ABCA1: variants seen among roughly 807,000 people sequenced by gnomAD.
ABCA1 encodes ATP binding cassette subfamily A member 1.
In ABCA1, 133 loss-of-function variants were observed where a neutral mutation model predicts 262.5. The observed-to-expected ratio is 0.51, with a 90% CI of 0.44 to 0.59. The LOEUF (loss-of-function observed/expected upper bound fraction) is 0.59, where lower values mean the gene tolerates loss of function less well. Among genes scored for constraint, ABCA1 ranks in the 20% least tolerant of loss-of-function variants. ABCA1 has a pLI of 0.00. For synonymous variants in ABCA1, 1,022 were observed against 1,043.5 expected, an observed-to-expected ratio of 0.98 and a Z score of 0.40; for missense variants, 2,452 against 2,777.5, an observed-to-expected ratio of 0.88 and a Z score of 2.63.
intron 5 of ABCA1, among the ~76,000 whole-genome samples, chr9:104,871,656 G>C (rs1247526181): frequency 6.6e-6 from 1 of 152,180 alleles, no homozygotes; most frequent in Non-Finnish European, 1.5e-5. Context: ...GAAGATAGCT[G>C]AGATGAAAAC....
At chr9:104,885,161 A>G (rs1441673059) in intron 3 of ABCA1, among the ~76,000 whole-genome samples, 1 of 152,318 alleles carries the variant, frequency 6.6e-6, no homozygotes, top group African/African-American at 2.4e-5. Flanking sequence ...GCTTGAACTC[A>G]GGAGGGGGAG....
intron 1 of ABCA1, among the ~76,000 whole-genome samples, chr9:104,913,955 ACG>A (rs1491066340): frequency 7.5e-6 from 1 of 133,114 alleles, no homozygotes; most frequent in African/African-American, 2.6e-5. Context: ...GCCTGCCAAC[ACG>A]CCCGGCTAAT....
At chr9:104,826,441 G>C (rs1472157859) in intron 16 of ABCA1, among the ~76,000 whole-genome samples, 1 of 152,164 alleles carries the variant, frequency 6.6e-6, no homozygotes, top group Non-Finnish European at 1.5e-5. Context: ...AAGTGTCCAA[G>C]TCAGGAATTT....
At chr9:104,868,883 C>T (rs900666602) in intron 5 of ABCA1, among the ~76,000 whole-genome samples, 1 of 152,052 alleles carries the variant, frequency 6.6e-6, no homozygotes, top group Non-Finnish European at 1.5e-5. Flanking sequence ...TTTGCACGTG[C>T]AGGCGGAGGG....
chr9:104,879,196 G>A (rs1252209021), intron 5 of ABCA1, among the ~76,000 whole-genome samples: 2 of 152,206 alleles, frequency 1.3e-5, no homozygotes, highest in African/African-American at 4.8e-5. Context: ...TATTTCAACT[G>A]CTGCATAAAT....
intron 29 of ABCA1, 52 bp from the exon 30 acceptor site, chr9:104,809,616 C>G (rs550273990): frequency 6.8e-7 from 1 of 1,462,824 alleles, no homozygotes; most frequent in Non-Finnish European, 9.6e-7. Flanking sequence ...AACCAGTAAT[C>G]GAGAGATAAA....
At chr9:104,785,256 A>G in intron 49 of ABCA1, 140 bp downstream of exon 49, 1 of 1,162,076 alleles carries the variant, frequency 8.6e-7, no homozygotes, top group African/African-American at 1.5e-5. Context: ...GAGGTTTAGT[A>G]AAAAGCATAG....
In ABCA1 at chr9:104,807,562, T is replaced by A. The variant is rs1368275520; in HGVS notation, c.4275-1132A>T. Among the ~76,000 whole-genome samples the A allele has an allele frequency of 2.0e-5, 3 of 152,250 alleles. No homozygotes were observed. In the East Asian group the frequency reaches 5.8e-4, roughly 29 times the overall value. ...CAGGCACGATGGCTCATGCCTGTAATCCCAGAACTTTGGGAGGCGAAGGCG... is the reference window on the plus strand; with the variant it reads ...CAGGCACGATGGCTCATGCCTGTAAACCCAGAACTTTGGGAGGCGAAGGCG... On this transcript the variant is annotated intron_variant, in intron 30 of 49. Coordinates refer to ENST00000374736, the MANE Select transcript of ABCA1 (RefSeq NM_005502.4).
At chr9:104,927,222 A>G (rs1826419837) in intron 1 of ABCA1, among the ~76,000 whole-genome samples, 1 of 104,446 alleles carries the variant, frequency 9.6e-6, no homozygotes, top group African/African-American at 3.5e-5. Context: ...GAAAAAAAAG[A>G]AAAAGAAAAG....
Position 104,794,373 on chromosome 9 carries a change from A to T in ABCA1, c.5506+14T>A. 2 of 1,614,086 alleles carry T rather than the reference A, an allele frequency of 1.2e-6. No individual in the cohort carries two copies. The highest frequency in any genetic ancestry group is 1.7e-6 in the Non-Finnish European group (2 of 1,179,998). Reference sequence around the variant, plus strand: ...ATCTCCATTAAAGCATCCTACAGCCACTGCTTCACTCACCAAACCTTTCCA... The same window carrying T: ...ATCTCCATTAAAGCATCCTACAGCCTCTGCTTCACTCACCAAACCTTTCCA... On this transcript the variant is annotated intron_variant, in intron 40 of 49. Coordinates refer to ENST00000374736, the MANE Select transcript of ABCA1 (RefSeq NM_005502.4).
At chr9:104,797,317 A>G (rs1253205923) in intron 37 of ABCA1, among the ~76,000 whole-genome samples, 2 of 152,264 alleles carry the variant, frequency 1.3e-5, no homozygotes, top group African/African-American at 2.4e-5. Flanking sequence ...TTTAATATGG[A>G]TAAATATAAA....
At chr9:104,890,649 G>A (rs1230615140) in intron 2 of ABCA1, among the ~76,000 whole-genome samples, 2 of 151,368 alleles carry the variant, frequency 1.3e-5, no homozygotes, top group East Asian at 3.9e-4. Context: ...TCGTCCAGGC[G>A]GTACGATCCG....
At position 104,827,224 on chromosome 9, in the gene ABCA1, T is replaced by C. The variant is rs780191971; in HGVS notation, c.2116-55A>G. On this transcript the variant is annotated intron_variant, in intron 15 of 49. Transcript: ENST00000374736. The stretch of plus-strand genomic sequence containing the variant: ...TGCCTCAACAATCCCAAGCACTCAC[T>C]TGTATGATCTACAGAAAAAAGACAG... 14 of 1,429,208 alleles carry C rather than the reference T, an allele frequency of 9.8e-6. No individual in the cohort carries two copies. In the East Asian group the frequency reaches 3.2e-4, roughly 33 times the overall value. 88.5% of individuals were successfully genotyped at this position (1,429,208 alleles called of 1,614,324 possible). A position where few individuals can be genotyped will look rare whatever the true frequency, so the allele number is the denominator to read the frequency against.
At position 104,810,908 on chromosome 9, in the gene ABCA1, A is replaced by G; in HGVS notation, c.4067T>C (p.Val1356Ala). 1 of 1,614,226 alleles carries G rather than the reference A, an allele frequency of 6.2e-7. No homozygotes were observed. The highest frequency in any genetic ancestry group is 8.5e-7 in the Non-Finnish European group (1 of 1,180,040). The change falls in exon 29 of 50, where the codon GTG (valine) becomes GCG (alanine). Residue 1356 changes from valine (V) to alanine (A), a missense_variant. By Grantham distance (64) the Val-to-Ala change is moderately conservative. This residue lies in a region of ABCA1 where 665 missense variants were observed against 727.3 expected (regional missense o/e 0.91). Transcript: ENST00000374736. ...GAACACAAGGGCAATGCAGACAAAC[A>G]CAGCTGGCAAGACAATCTTTACCCA... ...GFFAQIVLPA[V>A]FVCIALVFSL...
At chr9:104,874,996 G>C (rs1838015978) in intron 5 of ABCA1, among the ~76,000 whole-genome samples, 1 of 151,920 alleles carries the variant, frequency 6.6e-6, no homozygotes, top group South Asian at 2.1e-4. Flanking sequence ...GGTGTACCCA[G>C]CAGCTCATTG....
At chr9:104,853,902 C>T (rs933427398) in intron 7 of ABCA1, among the ~76,000 whole-genome samples, 1 of 152,194 alleles carries the variant, frequency 6.6e-6, no homozygotes, top group African/African-American at 2.4e-5. Flanking sequence ...GATGTCCACA[C>T]CCTATTCCTG....
chr9:104,820,187 AAC>A, intron 20 of ABCA1, 118 bp from the exon 21 acceptor site: 1 of 1,287,934 alleles, frequency 7.8e-7, no homozygotes, highest in South Asian at 1.2e-5. Flanking sequence ...TTTTTAAAAT[AAC>A]TTTATCAATT....
At chr9:104,882,577 T>C (rs757397247) in intron 5 of ABCA1, among the ~76,000 whole-genome samples, 7 of 152,252 alleles carry the variant, frequency 4.6e-5, no homozygotes, top group Admixed American at 1.3e-4. Flanking sequence ...ATCAGACTAA[T>C]TGAAATGATT....
Position 104,821,247 on chromosome 9 carries a change from A to G in ABCA1, c.2960+128T>C, listed in dbSNP as rs530438169. The G allele has an allele frequency of 3.7e-6, 5 of 1,353,942 alleles. No homozygotes were observed. The African/African-American group carries it at 5.9e-5, about 16-fold the overall frequency. 83.9% of individuals were successfully genotyped at this position (1,353,942 alleles called of 1,614,324 possible). ...ACAGAGCGAGACTCCATCTCAAAAA[A>G]ATAAAAAAGAAAAAAAGAAAAAACA... On this transcript the variant is annotated intron_variant, in intron 20 of 49. Coordinates refer to ENST00000374736, the MANE Select transcript of ABCA1 (RefSeq NM_005502.4).
Sources: gnomAD v4.1 joint callset for allele counts (sites outside exome capture counted in the v4.1 genomes callset) on GRCh38, gnomAD v4.1.1 for gene constraint, gnomAD v4.1.1 regional missense constraint, MANE v1.5 for transcripts, NCBI Gene and HGNC (gene_info 2026-07-23, HGNC 2026-07-21) for gene names.